The following NCKAP5 variants were observed in gnomAD, a reference collection of about 807,000 sequenced individuals.
NCKAP5 encodes the protein NCK associated protein 5.
NCKAP5 carries 92 observed loss-of-function variants against 167.0 expected under a neutral mutation model. The observed-to-expected ratio is 0.55, with a 90% CI of 0.47 to 0.66. The LOEUF (loss-of-function observed/expected upper bound fraction) is 0.66. NCKAP5 is among the 30% of genes least tolerant of loss of function. The pLI is 0.00. For synonymous variants in NCKAP5, 891 were observed against 877.4 expected, an observed-to-expected ratio of 1.02 and a Z score of -0.27; for missense variants, 2,378 against 2,315.0, an observed-to-expected ratio of 1.03 and a Z score of -0.56.
intron 3 of NCKAP5, among the ~76,000 whole-genome samples, chr2:133,516,328 A>C (rs1245068656): frequency 6.6e-6 from 1 of 152,168 alleles, no homozygotes; most frequent in Non-Finnish European, 1.5e-5. Context: ...ACCTGGAGTT[A>C]GCAAGACGTA....
At chr2:132,767,116 C>T (rs183674136) in intron 16 of NCKAP5, among the ~76,000 whole-genome samples, 9 of 152,254 alleles carry the variant, frequency 5.9e-5, no homozygotes, top group East Asian at 1.9e-4. Context: ...CTTTTTTCCC[C>T]GGCAATGATT....
chr2:133,163,943 T>C (rs1191709096), intron 5 of NCKAP5, among the ~76,000 whole-genome samples: 1 of 152,156 alleles, frequency 6.6e-6, no homozygotes, highest in Non-Finnish European at 1.5e-5. Context: ...ATGTGGATTC[T>C]CAAAACATAG....
At chr2:133,447,071 G>C (rs1382042182) in intron 3 of NCKAP5, among the ~76,000 whole-genome samples, 1 of 152,152 alleles carries the variant, frequency 6.6e-6, no homozygotes, top group Admixed American at 6.5e-5. Flanking sequence ...CTCTATGCGT[G>C]GTGGAAAACA....
At chr2:133,059,796 A>G (rs2079934069) in intron 6 of NCKAP5, among the ~76,000 whole-genome samples, 1 of 152,146 alleles carries the variant, frequency 6.6e-6, no homozygotes, top group Non-Finnish European at 1.5e-5. Context: ...ATGCATGGAG[A>G]AATGAAAAAA....
intron 6 of NCKAP5, among the ~76,000 whole-genome samples, chr2:133,088,588 G>A (rs1259040227): frequency 6.6e-6 from 1 of 151,930 alleles, no homozygotes; most frequent in Non-Finnish European, 1.5e-5. Flanking sequence ...TTATGGTAGT[G>A]TTTTCCAACC....
chr2:132,965,825 A>G (rs944871202), intron 7 of NCKAP5, among the ~76,000 whole-genome samples: 4 of 152,010 alleles, frequency 2.6e-5, no homozygotes, highest in Non-Finnish European at 5.9e-5. Context: ...AACATATCTA[A>G]ACATAAAAAA....
intron 11 of NCKAP5, among the ~76,000 whole-genome samples, chr2:132,841,070 T>A (rs900764143): frequency 2.0e-5 from 3 of 152,190 alleles, no homozygotes; most frequent in African/African-American, 7.2e-5. Context: ...TACTTGGTTC[T>A]CTTGATATTT....
intron 7 of NCKAP5, among the ~76,000 whole-genome samples, chr2:132,964,803 C>T (rs2149211152): frequency 6.6e-6 from 1 of 151,934 alleles, no homozygotes; most frequent in South Asian, 2.1e-4. Flanking sequence ...AAACTAAGAT[C>T]TATTTGCAAA....
At chr2:133,005,155 G>A (rs1006063743) in intron 6 of NCKAP5, among the ~76,000 whole-genome samples, 6 of 152,220 alleles carry the variant, frequency 3.9e-5, no homozygotes, top group African/African-American at 1.2e-4. Context: ...CTCAGCTTAC[G>A]AAGATGATGG....
chr2:133,155,982 C>G (rs762512145), intron 5 of NCKAP5, among the ~76,000 whole-genome samples: 14 of 152,212 alleles, frequency 9.2e-5, no homozygotes, highest in Non-Finnish European at 1.9e-4. Context: ...CCTCCAGGTT[C>G]AAGTAACTGC....
chr2:133,208,247 T>C (rs981673230), intron 5 of NCKAP5, among the ~76,000 whole-genome samples: 2 of 152,098 alleles, frequency 1.3e-5, no homozygotes, highest in East Asian at 3.9e-4. Flanking sequence ...GCTGAGGTGG[T>C]AGAAACTCTT....
At chr2:133,260,807 G>C (rs1308448879) in intron 4 of NCKAP5, among the ~76,000 whole-genome samples, 4 of 152,202 alleles carry the variant, frequency 2.6e-5, no homozygotes, top group African/African-American at 7.2e-5. Context: ...TTTGCATCAG[G>C]TGAACTGTGT....
intron 4 of NCKAP5, among the ~76,000 whole-genome samples, chr2:133,254,526 T>TA (rs1180517938): frequency 6.6e-6 from 1 of 152,198 alleles, no homozygotes; most frequent in Non-Finnish European, 1.5e-5. Context: ...GTACAGTTGA[T>TA]ATTGTTGTAA....
intron 8 of NCKAP5, among the ~76,000 whole-genome samples, chr2:132,937,863 A>G (rs1696976056): frequency 6.6e-6 from 1 of 152,232 alleles, no homozygotes; most frequent in Non-Finnish European, 1.5e-5. Flanking sequence ...CAGCGAGAGG[A>G]GCAGGAAATG....
chr2:132,910,139 G>T (rs547842980), intron 8 of NCKAP5, among the ~76,000 whole-genome samples: 36 of 151,892 alleles, frequency 2.4e-4, no homozygotes, highest in Non-Finnish European at 4.7e-4. Flanking sequence ...TATATAGTAG[G>T]TGTATGTATT....
At position 133,192,095 on chromosome 2, in the gene NCKAP5, C is replaced by T. The variant is rs1031265279; in HGVS notation, c.207+21621G>A. 1.2e-4 allele frequency among the ~76,000 whole-genome samples: 18 copies of T among 151,814 alleles called. 1 individual carries two copies. The highest frequency in any genetic ancestry group is 8.3e-4 in the South Asian group (4 of 4,824). The stretch of plus-strand genomic sequence containing the variant: ...TGACTGTGTGTTATCAGTGGAGGGA[C>T]GGACATAGATAAATGGGACCCAATA... On this transcript the variant is annotated intron_variant, in intron 5 of 19. Coordinates refer to ENST00000409261, the MANE Select transcript of NCKAP5 (RefSeq NM_207363.3).
intron 8 of NCKAP5, among the ~76,000 whole-genome samples, chr2:132,902,966 G>A (rs571096561): frequency 2.0e-5 from 3 of 152,184 alleles, no homozygotes; most frequent in Non-Finnish European, 4.4e-5. Context: ...ATCCACTTAT[G>A]TAGGTGTGAA....
Position 132,725,720 on chromosome 2 carries a change from C to T in NCKAP5, c.5620G>A (p.Gly1874Ser). Residue 1874 changes from glycine (G) to serine (S), a missense_variant, in exon 19 of 20, where the codon GGC (glycine) becomes AGC (serine). By Grantham distance (56) the Gly-to-Ser change is moderately conservative. This residue lies in a region of NCKAP5 where 1,325 missense variants were observed against 1,274.5 expected (regional missense o/e 1.04). Coordinates refer to ENST00000409261, the MANE Select transcript of NCKAP5 (RefSeq NM_207363.3). ...TCCAGGTCACTGTCACTATTACTGC[C>T]ACCGCTGGCAGAGTACGTACACATT... The part of the protein sequence containing the change: ...PRMCTYSASG[G>S]SNSDSDLDYG... The T allele has an allele frequency of 6.2e-7, 1 of 1,613,616 alleles. No homozygotes were observed. Among genetic ancestry groups the T allele is most frequent in the East Asian group, 2.2e-5 (1 of 44,832 alleles).
chr2:133,350,412 C>A (rs1244620849), intron 3 of NCKAP5, among the ~76,000 whole-genome samples: 1 of 152,064 alleles, frequency 6.6e-6, no homozygotes, highest in African/African-American at 2.4e-5. Flanking sequence ...GACCCTGTCT[C>A]TAAAAAAGAA....
Sources: allele counts gnomAD v4.1 joint callset (sites outside exome capture counted in the v4.1 genomes callset), GRCh38; gene constraint gnomAD v4.1.1; regional missense constraint gnomAD v4.1.1; transcripts MANE v1.5; gene names NCBI Gene and HGNC (gene_info 2026-07-23, HGNC 2026-07-21).